Variants in MYOM1 observed in about 807,000 individuals in gnomAD.
MYOM1 encodes the protein myomesin-1.
MYOM1 carries 164 observed loss-of-function variants against 205.3 expected under a neutral mutation model. That is an observed-to-expected ratio of 0.80 (90% confidence interval 0.70 to 0.91). The LOEUF is 0.91. Ranked by LOEUF, MYOM1 falls within the 40% of genes least tolerant of loss-of-function variation. The probability of loss-of-function intolerance (pLI) is 0.00; values close to 1 mark genes in which losing one functional copy is unlikely to be tolerated. For synonymous variants in MYOM1, 772 were observed against 789.4 expected (o/e 0.98, Z 0.37); for missense variants, 2,011 against 2,127.3 (o/e 0.95, Z 1.08).
chr18:3,112,762 A>C (rs1294696786), intron 21 of MYOM1, among the ~76,000 whole-genome samples: 4 of 152,248 alleles, frequency 2.6e-5, no homozygotes, highest in Non-Finnish European at 4.4e-5. Context: ...AAAGGACAAA[A>C]TACAAAGTGC....
At chr18:3,075,316 T>C in intron 36 of MYOM1, 138 bp downstream of exon 36, 1 of 763,772 alleles carries the variant, frequency 1.3e-6, no homozygotes, top group African/African-American at 1.8e-5. Context: ...AATGAAAACA[T>C]ATGTAGAACA....
chr18:3,126,657 G>C (rs368024700), intron 19 of MYOM1, 44 bp downstream of exon 19: 9 of 1,560,980 alleles, frequency 5.8e-6, no homozygotes, highest in Non-Finnish European at 7.8e-6. Context: ...CAAGCATAGC[G>C]TCATACATAG....
At chr18:3,197,689 T>C (rs190407769) in intron 2 of MYOM1, among the ~76,000 whole-genome samples, 1,870 of 151,664 alleles carry the variant, frequency 0.012, 19 homozygotes, top group East Asian at 0.045. Flanking sequence ...CTAGCTAACA[T>C]GGTGAAACCC....
upstream of MYOM1, among the ~76,000 whole-genome samples, chr18:3,223,169 C>A (rs2081338884): frequency 6.6e-6 from 1 of 152,174 alleles, no homozygotes; most frequent in African/African-American, 2.4e-5. Flanking sequence ...GTGTGAGCCA[C>A]CATGTCTGGC....
chr18:3,237,189 T>A, the MYOM1 span, among the ~76,000 whole-genome samples: 1 of 152,148 alleles, frequency 6.6e-6, no homozygotes, highest in African/African-American at 2.4e-5. Flanking sequence ...ATACCCATGT[T>A]CATAGCAGCA....
intron 9 of MYOM1, among the ~76,000 whole-genome samples, chr18:3,165,601 GTGTCTACA>G (rs1567945257): frequency 1.3e-5 from 2 of 151,888 alleles, no homozygotes; most frequent in African/African-American, 4.9e-5. Flanking sequence ...CTTTATTGCA[GTGTCTACA>G]TGTACACTTT....
upstream of MYOM1, among the ~76,000 whole-genome samples, chr18:3,222,289 G>A (rs1156769068): frequency 1.3e-5 from 2 of 152,158 alleles, no homozygotes. Flanking sequence ...AATTTATTAT[G>A]TAGCTAGTTG....
chr18:3,211,046 C>T (rs1227228160), intron 2 of MYOM1, among the ~76,000 whole-genome samples: 2 of 152,172 alleles, frequency 1.3e-5, no homozygotes, highest in Non-Finnish European at 2.9e-5. Flanking sequence ...GGTTGAGGAA[C>T]AACTCTAAAT....
intron 4 of MYOM1, 138 bp downstream of exon 4, chr18:3,188,610 C>T (rs1264583351): frequency 5.2e-6 from 5 of 960,500 alleles, no homozygotes; most frequent in Admixed American, 6.1e-5. Flanking sequence ...ACCTGGGGGA[C>T]AGAGTGAGAC....
At chr18:3,130,449 T>C (rs2079859226) in intron 17 of MYOM1, among the ~76,000 whole-genome samples, 1 of 152,060 alleles carries the variant, frequency 6.6e-6, no homozygotes, top group Admixed American at 6.6e-5. Context: ...TAAATTTTAT[T>C]TTATTTATTT....
the MYOM1 span, among the ~76,000 whole-genome samples, chr18:3,226,603 G>A: frequency 2.6e-5 from 4 of 152,072 alleles, no homozygotes; most frequent in East Asian, 1.9e-4. This position sits in a 1 kb window ranked among gnomAD's most constrained non-coding sequence, Gnocchi z 4.6. Context: ...TCAACACCCC[G>A]TGCCATCTCC....
At chr18:3,122,108 G>A in intron 19 of MYOM1, among the ~76,000 whole-genome samples, 1 of 151,532 alleles carries the variant, frequency 6.6e-6, no homozygotes, top group East Asian at 1.9e-4. Context: ...GACAGAGTGA[G>A]ACTTTGTCTC....
chr18:3,156,517 T>C (rs912979356), intron 10 of MYOM1, among the ~76,000 whole-genome samples: 1 of 152,136 alleles, frequency 6.6e-6, no homozygotes, highest in African/African-American at 2.4e-5. Flanking sequence ...TATAGGAGAA[T>C]GTAACTAACT....
intron 37 of MYOM1, among the ~76,000 whole-genome samples, chr18:3,070,076 G>C (rs770733858): frequency 3.9e-5 from 6 of 152,190 alleles, no homozygotes; most frequent in Non-Finnish European, 8.8e-5. Flanking sequence ...ACTGCCCTTT[G>C]AAGTGGAAAA....
At chr18:3,215,640 C>G (rs2081255831) in intron 1 of MYOM1, among the ~76,000 whole-genome samples, 1 of 151,868 alleles carries the variant, frequency 6.6e-6, no homozygotes, top group African/African-American at 2.4e-5. Context: ...TTATCTTTTC[C>G]GAAGAGTAAA....
chr18:3,218,171 A>G (rs1474948888), intron 1 of MYOM1, among the ~76,000 whole-genome samples: 1 of 152,196 alleles, frequency 6.6e-6, no homozygotes, highest in East Asian at 1.9e-4. Context: ...TATCCACTGA[A>G]GCAGGCCTAT....
At chr18:3,106,008 G>A (rs1045728008) in intron 22 of MYOM1, among the ~76,000 whole-genome samples, 9 of 152,030 alleles carry the variant, frequency 5.9e-5, no homozygotes, top group Admixed American at 4.6e-4. Flanking sequence ...AAAATACTTG[G>A]GGAAAAAACA....
chr18:3,147,207 T>C (rs2080142107), intron 13 of MYOM1, among the ~76,000 whole-genome samples: 1 of 149,204 alleles, frequency 6.7e-6, no homozygotes, highest in Non-Finnish European at 1.5e-5. Flanking sequence ...TGTCAGAGTT[T>C]GTGCAAAAAC....
chr18:3,137,671 G>T (rs1466226135), intron 14 of MYOM1, among the ~76,000 whole-genome samples: 1 of 152,148 alleles, frequency 6.6e-6, no homozygotes, highest in Non-Finnish European at 1.5e-5. Context: ...GGAAGGGTTG[G>T]GGGTGGTGGT....
Sources: gnomAD v4.1 joint callset for allele counts (sites outside exome capture counted in the v4.1 genomes callset) on GRCh38, gnomAD v4.1.1 for gene constraint, Gnocchi (gnomAD v3.1) non-coding constraint, MANE v1.5 for transcripts, NCBI Gene and HGNC (gene_info 2026-07-23, HGNC 2026-07-21) for gene names.